The following DOCK10 variants were observed in gnomAD, a reference collection of about 807,000 sequenced individuals.
DOCK10 encodes dedicator of cytokinesis protein 10.
Under a neutral mutation model 280.1 loss-of-function variants are expected in DOCK10, and 145 were observed. The ratio of observed to expected loss-of-function variants is 0.52; its 90% CI spans 0.45 to 0.59. The LOEUF (loss-of-function observed/expected upper bound fraction) is 0.59. Ranked by LOEUF, DOCK10 falls within the 20% of genes least tolerant of loss-of-function variation. DOCK10 has a pLI of 0.00. For synonymous variants in DOCK10, 915 were observed against 942.2 expected, an observed-to-expected ratio of 0.97 and a Z score of 0.53; for missense variants, 2,368 against 2,651.7, an observed-to-expected ratio of 0.89 and a Z score of 2.35.
chr2:224,908,166 T>TTGTGTGTGTGTGTG (rs369490326), intron 3 of DOCK10, among the ~76,000 whole-genome samples: 1 of 136,256 alleles, frequency 7.3e-6, no homozygotes, highest in African/African-American at 2.8e-5. Context: ...TTTAAATGAG[T>TTGTGTGTGTGTGTG]TGTGTGTGTG....
intron 16 of DOCK10, among the ~76,000 whole-genome samples, chr2:224,854,213 C>G (rs961450527): frequency 6.6e-6 from 1 of 151,452 alleles, no homozygotes; most frequent in Non-Finnish European, 1.5e-5. Flanking sequence ...TTATAGGAGG[C>G]CTTTATTCTT....
chr2:224,851,400 A>G (rs1463321171), intron 18 of DOCK10, among the ~76,000 whole-genome samples: 1 of 147,232 alleles, frequency 6.8e-6, no homozygotes, highest in Non-Finnish European at 1.5e-5. Context: ...TGCTAACACT[A>G]TTTTGGAGTT....
rs145252227 is a variant in DOCK10, at chr2:225,002,808, C to T, written c.123+39444G>A. ...AACCACATCAGTGTGGTCTGTCTTG[C>T]ATGATCGGGCAGGTGTAAACATCCA... On this transcript the variant is annotated intron_variant, in intron 1 of 55. Transcript: ENST00000258390. 5.0e-3 allele frequency among the ~76,000 whole-genome samples: 763 copies of T among 151,782 alleles called. 5 individuals carry two copies. The highest frequency in any genetic ancestry group is 0.018 in the African/African-American group (731 of 41,354).
intron 42 of DOCK10, 119 bp from the exon 43 acceptor site, chr2:224,797,265 A>ATT: frequency 7.1e-5 from 39 of 549,714 alleles, no homozygotes; most frequent in Non-Finnish European, 1.0e-4. Context: ...AACTTGGTCT[A>ATT]TTTTTTTTTT....
At chr2:224,930,312 T>A (rs1702276992) in intron 2 of DOCK10, among the ~76,000 whole-genome samples, 1 of 151,824 alleles carries the variant, frequency 6.6e-6, no homozygotes. Context: ...TTTAAAAAAA[T>A]GCGGTTTAAC....
At chr2:224,885,977 C>T (rs1209671481) in intron 6 of DOCK10, 86 bp downstream of exon 6, 1 of 1,563,292 alleles carries the variant, frequency 6.4e-7, no homozygotes, top group Non-Finnish European at 8.7e-7. Flanking sequence ...AAACTCAATG[C>T]AAATGGCTCT....
chr2:224,960,882 G>A (rs1422467331), intron 1 of DOCK10, among the ~76,000 whole-genome samples: 1 of 151,890 alleles, frequency 6.6e-6, no homozygotes, highest in African/African-American at 2.4e-5. Flanking sequence ...TGGGACTACA[G>A]GCGCGCGCCA....
chr2:224,829,749 G>T (rs1695098752), intron 27 of DOCK10, among the ~76,000 whole-genome samples: 1 of 152,142 alleles, frequency 6.6e-6, no homozygotes, highest in Non-Finnish European at 1.5e-5. Context: ...AAGACCTTCG[G>T]AGCTGCTAGT....
chr2:225,005,321 A>C (rs542072891), intron 1 of DOCK10, among the ~76,000 whole-genome samples: 1 of 152,350 alleles, frequency 6.6e-6, no homozygotes, highest in East Asian at 1.9e-4. Context: ...CAGCAATGTA[A>C]GGACATGATT....
At chr2:224,826,619 T>C (rs148916960) in intron 27 of DOCK10, among the ~76,000 whole-genome samples, 2 of 152,232 alleles carry the variant, frequency 1.3e-5, no homozygotes, top group African/African-American at 2.4e-5. Context: ...CTGGGTACAA[T>C]GGCTCACGCC....
At chr2:224,850,707 C>T (rs2125534253) in intron 18 of DOCK10, among the ~76,000 whole-genome samples, 1 of 152,166 alleles carries the variant, frequency 6.6e-6, no homozygotes, top group East Asian at 1.9e-4. Flanking sequence ...GGCCGCTTCC[C>T]CCATGCTGTT....
chr2:224,993,685 G>A (rs1290196566), intron 1 of DOCK10, among the ~76,000 whole-genome samples: 3 of 152,150 alleles, frequency 2.0e-5, no homozygotes, highest in African/African-American at 4.8e-5. Flanking sequence ...AATTCTGACT[G>A]TAGAAGGCAT....
intron 7 of DOCK10, among the ~76,000 whole-genome samples, chr2:224,882,269 A>C (rs988244528): frequency 1.3e-5 from 2 of 152,208 alleles, no homozygotes; most frequent in African/African-American, 4.8e-5. Flanking sequence ...CACAGGCCTA[A>C]ATATCTCTTA....
chr2:225,042,391 C>A lies in DOCK10; in HGVS notation c.-17G>T, dbSNP rs1341464390. Reference sequence around the variant, plus strand: ...ACCGGCCATCGCCGGTCACGCCAATCGCGCCGCGGGCCCGGGGCGCGCCTC... The same window carrying A: ...ACCGGCCATCGCCGGTCACGCCAATAGCGCCGCGGGCCCGGGGCGCGCCTC... On this transcript the variant is annotated 5_prime_UTR_variant, in exon 1 of 56. Coordinates refer to ENST00000258390, the MANE Select transcript of DOCK10 (RefSeq NM_014689.3). This position sits in a 1 kb window ranked among gnomAD's most constrained non-coding sequence, Gnocchi z 5.1. The A allele has an allele frequency of 1.5e-5, 18 of 1,237,504 alleles. No homozygotes were observed. Among genetic ancestry groups the A allele is most frequent in the Non-Finnish European group, 1.8e-5 (18 of 989,090 alleles). 76.7% of individuals were successfully genotyped at this position (1,237,504 alleles called of 1,614,324 possible). A position where few individuals can be genotyped will look rare whatever the true frequency, so the allele number is the denominator to read the frequency against.
At chr2:224,992,072 C>G (rs998324971) in intron 1 of DOCK10, among the ~76,000 whole-genome samples, 2 of 152,098 alleles carry the variant, frequency 1.3e-5, no homozygotes, top group Non-Finnish European at 2.9e-5. Context: ...ATAAAACCTC[C>G]AACAGCAACT....
intron 1 of DOCK10, among the ~76,000 whole-genome samples, chr2:225,026,690 A>C (rs1689929215): frequency 6.6e-6 from 1 of 152,046 alleles, no homozygotes; most frequent in Non-Finnish European, 1.5e-5. Context: ...TAATTGAGGA[A>C]CTTCAGGACA....
At chr2:224,978,154 G>C (rs1463059022) in intron 1 of DOCK10, among the ~76,000 whole-genome samples, 1 of 152,232 alleles carries the variant, frequency 6.6e-6, no homozygotes, top group Non-Finnish European at 1.5e-5. Context: ...AAGCTTAGAG[G>C]CTAGGTGTGG....
intron 1 of DOCK10, among the ~76,000 whole-genome samples, chr2:224,962,093 GT>G (rs1704482552): frequency 6.6e-6 from 1 of 152,146 alleles, no homozygotes; most frequent in Admixed American, 6.5e-5. Context: ...CTCTGCATCT[GT>G]CCCAATTTTG....
intron 3 of DOCK10, among the ~76,000 whole-genome samples, chr2:224,897,845 C>G (rs1325117491): frequency 6.6e-6 from 1 of 152,104 alleles, no homozygotes; most frequent in Admixed American, 6.5e-5. Context: ...AAACACCTAC[C>G]ATGCACCTAG....
Sources: gnomAD v4.1 joint callset for allele counts (sites outside exome capture counted in the v4.1 genomes callset) on GRCh38, gnomAD v4.1.1 for gene constraint, Gnocchi (gnomAD v3.1) non-coding constraint, MANE v1.5 for transcripts, NCBI Gene and HGNC (gene_info 2026-07-23, HGNC 2026-07-21) for gene names.